The following EPB41 variants were observed in gnomAD, a reference collection of about 807,000 sequenced individuals.
The protein encoded by EPB41 is erythrocyte membrane protein band 4.1.
EPB41 carries 65 observed loss-of-function variants against 108.0 expected under a neutral mutation model. The observed-to-expected ratio is 0.60, with a 90% CI of 0.49 to 0.74. The LOEUF (loss-of-function observed/expected upper bound fraction) is 0.74. Ranked by LOEUF, EPB41 falls within the 30% of genes least tolerant of loss-of-function variation. The pLI, the probability that EPB41 is intolerant of heterozygous loss-of-function variation, is 0.00. For synonymous variants in EPB41, 336 were observed against 358.9 expected, an observed-to-expected ratio of 0.94 and a Z score of 0.72; for missense variants, 875 against 1,037.0, an observed-to-expected ratio of 0.84 and a Z score of 2.15.
At chr1:28,971,971 CTACAG>C (rs1471544081) in intron 1 of EPB41, among the ~76,000 whole-genome samples, 1 of 152,012 alleles carries the variant, frequency 6.6e-6, no homozygotes, top group African/African-American at 2.4e-5. Context: ...TCACAGCTCA[CTACAG>C]TCTCGACCTC....
intron 12 of EPB41, among the ~76,000 whole-genome samples, chr1:29,057,317 AGT>A (rs1282658021): frequency 7.4e-6 from 1 of 134,698 alleles, no homozygotes; most frequent in Non-Finnish European, 1.5e-5. Flanking sequence ...TGGAGCTTGC[AGT>A]GAGCCGAGAT....
chr1:29,064,512 C>T (rs1002731525), intron 15 of EPB41, among the ~76,000 whole-genome samples: 2 of 152,166 alleles, frequency 1.3e-5, no homozygotes, highest in Non-Finnish European at 2.9e-5. Flanking sequence ...CTCAACAAGA[C>T]AAGACAGCCA....
chr1:29,084,552 A>G (rs768752508), intron 16 of EPB41, among the ~76,000 whole-genome samples: 2 of 152,206 alleles, frequency 1.3e-5, no homozygotes, highest in Non-Finnish European at 2.9e-5. Flanking sequence ...TAAATCTCAG[A>G]CTCTCATTTT....
At chr1:28,959,063 G>A (rs1019503032) in intron 1 of EPB41, among the ~76,000 whole-genome samples, 7 of 151,868 alleles carry the variant, frequency 4.6e-5, no homozygotes, top group Admixed American at 2.0e-4. Flanking sequence ...GCAGGGAAGT[G>A]CAGGCTGTTT....
In EPB41 at chr1:28,901,374, G is replaced by A. The variant is rs1410544895; in HGVS notation, c.-8+14164G>A. Among the ~76,000 whole-genome samples the A allele has an allele frequency of 8.6e-5, 13 of 151,352 alleles. 1 individual carries two copies. Among genetic ancestry groups the A allele is most frequent in the African/African-American group, 1.7e-4 (7 of 41,288 alleles). ...TGAGTAGCTGGGACTACAGGCGTGC[G>A]CCACCATGTCCAGCTAATTTTTGTA... On this transcript the variant is annotated intron_variant, in intron 1 of 16. Transcript: ENST00000347529.
Position 29,079,240 on chromosome 1 carries a change from G to T in EPB41, c.2184+14082G>T, listed in dbSNP as rs1315570020. Among the ~76,000 whole-genome samples, 7 of 151,406 alleles carry T rather than the reference G, an allele frequency of 4.6e-5. No individual in the cohort carries two copies. In the East Asian group the frequency reaches 1.4e-3, roughly 30 times the overall value. ...TTGAACTCCTGATCTCAGGTGATCT[G>T]CCCGCCTCAGTCTCCCAAAGTGCTG... On this transcript the variant is annotated intron_variant, in intron 16 of 20. Coordinates refer to ENST00000343067, the MANE Select transcript of EPB41 (RefSeq NM_001376013.1).
At chr1:29,114,050 T>C (rs192115575) in intron 19 of EPB41, among the ~76,000 whole-genome samples, 3 of 152,292 alleles carry the variant, frequency 2.0e-5, no homozygotes, top group African/African-American at 4.8e-5. Context: ...ATGCCATTCA[T>C]AGAGCCAGGA....
intron 11 of EPB41, among the ~76,000 whole-genome samples, chr1:29,042,388 G>T (rs770018201): frequency 6.6e-5 from 10 of 152,108 alleles, no homozygotes; most frequent in Non-Finnish European, 8.8e-5. Context: ...ATCAGGAAGG[G>T]GTCAGCCACA....
intron 4 of EPB41, among the ~76,000 whole-genome samples, chr1:29,005,874 A>G (rs749643633): frequency 7.9e-5 from 12 of 152,202 alleles, no homozygotes; most frequent in Non-Finnish European, 1.8e-4. Flanking sequence ...CTTCATCTCT[A>G]TATTATTTGG....
chr1:28,999,334 C>T (rs533046557), intron 4 of EPB41, among the ~76,000 whole-genome samples: 158 of 152,086 alleles, frequency 1.0e-3, no homozygotes, highest in African/African-American at 3.5e-3. Context: ...TGTGCTACTG[C>T]GCTCCAGCCT....
chr1:28,964,789 C>T (rs1345889617), intron 1 of EPB41, among the ~76,000 whole-genome samples: 3 of 152,126 alleles, frequency 2.0e-5, no homozygotes, highest in Admixed American at 6.5e-5. Flanking sequence ...ATTTTATACT[C>T]CAGCTATAGT....
intron 1 of EPB41, among the ~76,000 whole-genome samples, chr1:28,895,662 G>T (rs772224803): frequency 1.3e-5 from 2 of 152,056 alleles, no homozygotes; most frequent in Non-Finnish European, 2.9e-5. Flanking sequence ...GCTAATATTT[G>T]TATTTTTAGT....
chr1:29,098,008 A>C, intron 17 of EPB41, 73 bp downstream of exon 17: 1 of 1,603,472 alleles, frequency 6.2e-7, no homozygotes, highest in Non-Finnish European at 8.5e-7. Flanking sequence ...CAGAGTTTCT[A>C]GTCATTTATC....
At chr1:28,912,055 A>C (rs931269619), upstream of EPB41, among the ~76,000 whole-genome samples, 2 of 152,136 alleles carry the variant, frequency 1.3e-5, no homozygotes, top group South Asian at 2.1e-4. Flanking sequence ...TCAAAAAAAA[A>C]CAGGTGCTTC....
At chr1:29,085,141 CTTT>C (rs527593950) in intron 16 of EPB41, among the ~76,000 whole-genome samples, 31 of 117,314 alleles carry the variant, frequency 2.6e-4, no homozygotes, top group Middle Eastern at 4.9e-3. Context: ...CTTTGATCTT[CTTT>C]TTTTTTTTTT....
intron 1 of EPB41, among the ~76,000 whole-genome samples, chr1:28,979,291 T>C (rs2095677804): frequency 6.6e-6 from 1 of 151,554 alleles, no homozygotes; most frequent in Non-Finnish European, 1.5e-5. Flanking sequence ...ATGGACCACA[T>C]ATACTTACAA....
chr1:29,064,856 G>T (rs1647075806), intron 15 of EPB41, 126 bp from the exon 16 acceptor site: 5 of 1,188,900 alleles, frequency 4.2e-6, no homozygotes, highest in Non-Finnish European at 6.0e-6. Context: ...TCTGAATGCA[G>T]ATTAGTAACA....
chr1:29,019,048 C>G (rs760427884), intron 7 of EPB41, among the ~76,000 whole-genome samples: 22 of 152,248 alleles, frequency 1.4e-4, no homozygotes, highest in Non-Finnish European at 2.2e-4. Flanking sequence ...TATAATGTCT[C>G]TGAGCCTCAG....
At chr1:29,104,152 G>A (rs1666367232) in intron 17 of EPB41, among the ~76,000 whole-genome samples, 2 of 152,158 alleles carry the variant, frequency 1.3e-5, no homozygotes, top group Admixed American at 1.3e-4. Flanking sequence ...TACCTCATAG[G>A]ATTGTTGTCA....
Sources: gnomAD v4.1 joint callset for allele counts (sites outside exome capture counted in the v4.1 genomes callset) on GRCh38, gnomAD v4.1.1 for gene constraint, MANE v1.5 for transcripts, NCBI Gene and HGNC (gene_info 2026-07-23, HGNC 2026-07-21) for gene names.